Variants in DDAH1 observed in about 807,000 individuals in gnomAD.
DDAH1 encodes N(G),N(G)-dimethylarginine dimethylaminohydrolase 1.
In DDAH1, 19 loss-of-function variants were observed where a neutral mutation model predicts 28.8. That is an observed-to-expected ratio of 0.66 (90% confidence interval 0.46 to 0.97). The LOEUF is 0.97. Among genes scored for constraint, DDAH1 ranks in the 50% least tolerant of loss-of-function variants. The pLI is 0.00. For synonymous variants in DDAH1, 153 were observed against 154.4 expected, an observed-to-expected ratio of 0.99 and a Z score of 0.07; for missense variants, 326 against 375.9, an observed-to-expected ratio of 0.87 and a Z score of 1.10.
intron 1 of DDAH1, among the ~76,000 whole-genome samples, chr1:85,570,149 G>A (rs531605866): frequency 3.9e-5 from 6 of 152,178 alleles, no homozygotes; most frequent in South Asian, 2.1e-4. Flanking sequence ...CTGAGACCCC[G>A]TGAGATTAGG....
chr1:85,424,665 C>T (rs1043089599), intron 1 of DDAH1, among the ~76,000 whole-genome samples: 1 of 152,024 alleles, frequency 6.6e-6, no homozygotes, highest in Non-Finnish European at 1.5e-5. Flanking sequence ...TAGAAAAACA[C>T]CAGTCAATTT....
intron 1 of DDAH1, among the ~76,000 whole-genome samples, chr1:85,456,937 T>A (rs1457758311): frequency 1.3e-5 from 2 of 152,202 alleles, no homozygotes; most frequent in Admixed American, 6.5e-5. Context: ...AAGTAGACTT[T>A]AGTCAACTCC....
intron 1 of DDAH1, among the ~76,000 whole-genome samples, chr1:85,373,827 T>C (rs1650515387): frequency 6.6e-6 from 1 of 152,084 alleles, no homozygotes; most frequent in Non-Finnish European, 1.5e-5. Flanking sequence ...AAAACTAGGA[T>C]TGCAACTATT....
At chr1:85,391,516 A>G (rs1651548204) in intron 1 of DDAH1, among the ~76,000 whole-genome samples, 1 of 152,198 alleles carries the variant, frequency 6.6e-6, no homozygotes, top group South Asian at 2.1e-4. Flanking sequence ...TAGGGTCTTC[A>G]CTGAAACTTA....
chr1:85,491,428 C>T (rs1431037897), intron 2 of DDAH1, among the ~76,000 whole-genome samples: 1 of 152,228 alleles, frequency 6.6e-6, no homozygotes. Flanking sequence ...AAGGAATCCT[C>T]TTTCTTTGCT....
At chr1:85,477,152 C>G (rs1428536034) in intron 2 of DDAH1, among the ~76,000 whole-genome samples, 1 of 152,016 alleles carries the variant, frequency 6.6e-6, no homozygotes, top group East Asian at 1.9e-4. Flanking sequence ...CCAAACTGAG[C>G]CGAGCATATG....
chr1:85,491,976 T>C (rs1043206783), intron 2 of DDAH1, among the ~76,000 whole-genome samples: 13 of 152,198 alleles, frequency 8.5e-5, no homozygotes, highest in African/African-American at 3.1e-4. Context: ...TTATTTAGTA[T>C]CTACTAAATT....
At chr1:85,385,873 G>C (rs930162329) in intron 1 of DDAH1, among the ~76,000 whole-genome samples, 2 of 152,166 alleles carry the variant, frequency 1.3e-5, no homozygotes, top group Admixed American at 6.6e-5. Context: ...TTCTACTCAT[G>C]GTGGAAGCCA....
chr1:85,326,073 T>C (rs1647373554), intron 4 of DDAH1, among the ~76,000 whole-genome samples: 2 of 152,310 alleles, frequency 1.3e-5, no homozygotes, highest in East Asian at 3.9e-4. Flanking sequence ...AGATTTATGG[T>C]ATGAAAAGCA....
At chr1:85,458,636 T>A (rs1287265963) in intron 1 of DDAH1, among the ~76,000 whole-genome samples, 2 of 152,014 alleles carry the variant, frequency 1.3e-5, no homozygotes, top group Non-Finnish European at 2.9e-5. Flanking sequence ...TCCATTCAGA[T>A]GAAAAGCCCC....
intron 1 of DDAH1, among the ~76,000 whole-genome samples, chr1:85,536,582 CAAAT>C (rs1343139882): frequency 2.0e-5 from 3 of 151,654 alleles, no homozygotes; most frequent in African/African-American, 7.3e-5. Flanking sequence ...AACAAACAAA[CAAAT>C]GAACAAAAAA....
chr1:85,514,753 C>T (rs546574570), intron 1 of DDAH1, among the ~76,000 whole-genome samples: 1 of 151,806 alleles, frequency 6.6e-6, no homozygotes, highest in African/African-American at 2.4e-5. Context: ...CTAGTGGGAG[C>T]CCTTTCACAC....
At chr1:85,329,542 A>C (rs1647635670) in intron 4 of DDAH1, among the ~76,000 whole-genome samples, 1 of 152,222 alleles carries the variant, frequency 6.6e-6, no homozygotes, top group Admixed American at 6.5e-5. Context: ...GAATTATTTG[A>C]GGACAGTTTC....
At chr1:85,502,351 A>G (rs1486450469) in intron 1 of DDAH1, among the ~76,000 whole-genome samples, 1 of 152,210 alleles carries the variant, frequency 6.6e-6, no homozygotes, top group Admixed American at 6.5e-5. Flanking sequence ...TGCTTTGCAC[A>G]TGTTATCTTG....
intron 1 of DDAH1, among the ~76,000 whole-genome samples, chr1:85,532,096 C>T (rs1391350388): frequency 6.6e-6 from 1 of 150,732 alleles, no homozygotes; most frequent in African/African-American, 2.4e-5. Flanking sequence ...ATCCAGGCAC[C>T]TCCAGCTCCC....
chr1:85,364,362 T>C (rs1003404566), intron 1 of DDAH1, among the ~76,000 whole-genome samples: 3 of 152,170 alleles, frequency 2.0e-5, no homozygotes, highest in Non-Finnish European at 4.4e-5. Context: ...AATTTCTGTA[T>C]ATTAGGGCCT....
At chr1:85,474,189 G>C (rs895874716) in intron 2 of DDAH1, among the ~76,000 whole-genome samples, 1 of 152,140 alleles carries the variant, frequency 6.6e-6, no homozygotes, top group Non-Finnish European at 1.5e-5. Flanking sequence ...ATCCACCCAT[G>C]TCTCTTCATC....
chr1:85,373,545 ACT>A (rs1399416282), intron 1 of DDAH1, among the ~76,000 whole-genome samples: 1 of 151,184 alleles, frequency 6.6e-6, no homozygotes, highest in Non-Finnish European at 1.5e-5. Flanking sequence ...TCCTTCACAC[ACT>A]CTCTCTCTTT....
At chr1:85,533,416 T>C (rs1185775569) in intron 1 of DDAH1, among the ~76,000 whole-genome samples, 1 of 152,070 alleles carries the variant, frequency 6.6e-6, no homozygotes, top group Admixed American at 6.6e-5. Context: ...CCTGGCCTCC[T>C]AAAGTGTGAT....
Sources: gnomAD v4.1 joint callset for allele counts (sites outside exome capture counted in the v4.1 genomes callset) on GRCh38, gnomAD v4.1.1 for gene constraint, MANE v1.5 for transcripts, NCBI Gene and HGNC (gene_info 2026-07-23, HGNC 2026-07-21) for gene names.